Variants in MEGF11 observed in about 807,000 individuals in gnomAD.
MEGF11 encodes the protein multiple epidermal growth factor-like domains protein 11.
Under a neutral mutation model 146.6 loss-of-function variants are expected in MEGF11, and 126 were observed. The observed-to-expected ratio is 0.86, with a 90% CI of 0.74 to 1.00. The LOEUF (loss-of-function observed/expected upper bound fraction) is 1.00, where lower values mean the gene tolerates loss of function less well. MEGF11 is among the 50% of genes least tolerant of loss of function. The pLI is 0.00. For synonymous variants in MEGF11, 532 were observed against 583.4 expected (o/e 0.91, Z 1.27); for missense variants, 1,509 against 1,521.2 (o/e 0.99, Z 0.13).
chr15:66,071,683 A>C (rs1273493610), intron 5 of MEGF11, among the ~76,000 whole-genome samples: 1 of 152,198 alleles, frequency 6.6e-6, no homozygotes, highest in Non-Finnish European at 1.5e-5. Flanking sequence ...CATGCAGTGC[A>C]CAAAAGAGGG....
In MEGF11 at chr15:66,182,367, C is replaced by T. The variant is rs148852987; in HGVS notation, c.-8-53956G>A. Among the ~76,000 whole-genome samples, 324 of 152,078 alleles carry T rather than the reference C, an allele frequency of 2.1e-3. 7 individuals carry two copies. The East Asian group carries it at 0.047, about 22-fold the overall frequency. ...TCCTCGGGGCCCACACCAGAGGGAA[C>T]ATCAGCAGTATTTGACAAGCTGACC... On this transcript the variant is annotated intron_variant, in intron 1 of 25. Transcript: ENST00000395614.
intron 1 of MEGF11, among the ~76,000 whole-genome samples, chr15:66,191,372 G>T (rs141280491): frequency 3.0e-4 from 45 of 152,332 alleles, no homozygotes; most frequent in Middle Eastern, 6.8e-3. Context: ...GGTTTCAATG[G>T]ATGCTCTGCA....
intron 1 of MEGF11, among the ~76,000 whole-genome samples, chr15:66,149,603 T>G (rs894844006): frequency 6.6e-6 from 1 of 152,072 alleles, no homozygotes; most frequent in African/African-American, 2.4e-5. Context: ...CCCATCTCCA[T>G]CAGCATCACG....
chr15:66,060,822 T>C (rs1943640612), intron 5 of MEGF11, among the ~76,000 whole-genome samples: 1 of 152,164 alleles, frequency 6.6e-6, no homozygotes, highest in African/African-American at 2.4e-5. Context: ...TCTAGGAATA[T>C]GAGAGGAAAA....
At chr15:66,189,782 G>A (rs1955122571) in intron 1 of MEGF11, among the ~76,000 whole-genome samples, 1 of 152,156 alleles carries the variant, frequency 6.6e-6, no homozygotes, top group Admixed American at 6.5e-5. Flanking sequence ...GCACTTAGTA[G>A]TTGCTCAAAT....
At position 66,094,451 on chromosome 15, in the gene MEGF11, C is replaced by G; in HGVS notation, c.345G>C (p.Pro115=). ...AGCCAGGCTCGCAGTGGCAGGTGTC[C>G]GGGGAAACGCAGCGGCCGTGCACAC... The part of the protein sequence containing the change: ...EECVHGRCVS[P]DTCHCEPGWG... The change falls in exon 5 of 26, where the codon CCG becomes CCC. Residue 115 remains proline, a synonymous_variant. Coordinates refer to ENST00000395614, the MANE Select transcript of MEGF11 (RefSeq NM_001385028.1). 1 of 1,560,926 alleles carries G rather than the reference C, an allele frequency of 6.4e-7. No homozygotes were observed. The highest frequency in any genetic ancestry group is 1.7e-4 in the Middle Eastern group (1 of 5,994).
At chr15:65,938,877 T>C (rs2079880479) in intron 10 of MEGF11, among the ~76,000 whole-genome samples, 1 of 152,240 alleles carries the variant, frequency 6.6e-6, no homozygotes, top group Admixed American at 6.5e-5. Context: ...TTTCAAATAT[T>C]GTTTATTGAA....
chr15:66,197,983 G>T (rs1308811711), intron 1 of MEGF11, among the ~76,000 whole-genome samples: 1 of 152,218 alleles, frequency 6.6e-6, no homozygotes, highest in African/African-American at 2.4e-5. Flanking sequence ...CCAGCTACTT[G>T]GAAGGCCGCA....
chr15:66,011,720 CTAT>C (rs55863629), intron 5 of MEGF11, among the ~76,000 whole-genome samples: 10,518 of 149,392 alleles, frequency 0.07, 535 homozygotes, highest in African/African-American at 0.15. Context: ...GGGAATTTAG[CTAT>C]TATTATTATT....
intron 1 of MEGF11, among the ~76,000 whole-genome samples, chr15:66,251,595 TCA>T (rs1016346646): frequency 2.6e-5 from 4 of 152,014 alleles, no homozygotes; most frequent in African/African-American, 9.7e-5. Flanking sequence ...GCCTCTAACC[TCA>T]CACACACCCA....
intron 4 of MEGF11, among the ~76,000 whole-genome samples, chr15:66,098,413 T>C (rs1246664434): frequency 1.3e-5 from 2 of 152,236 alleles, no homozygotes; most frequent in Non-Finnish European, 2.9e-5. Flanking sequence ...TGTGGTCATA[T>C]ATTTTGCCTG....
chr15:66,009,054 C>T (rs766924635), intron 5 of MEGF11, among the ~76,000 whole-genome samples: 5 of 152,144 alleles, frequency 3.3e-5, no homozygotes, highest in Admixed American at 3.3e-4. Context: ...TTCACTCTTA[C>T]ATTCTAGGAG....
intron 21 of MEGF11, among the ~76,000 whole-genome samples, chr15:65,911,462 A>G (rs1476346812): frequency 1.3e-5 from 2 of 152,132 alleles, no homozygotes; most frequent in East Asian, 3.9e-4. Flanking sequence ...GTCAGGCTGG[A>G]GTGCAGTGGC....
rs78739408 is a variant in MEGF11 at position 66,155,716 on chromosome 15, C to T, written c.-8-27305G>A. Among the ~76,000 whole-genome samples the T allele has an allele frequency of 9.9e-3, 1,507 of 152,306 alleles. 29 individuals are homozygous for T. Among genetic ancestry groups the T allele is most frequent in the African/African-American group, 0.035 (1,436 of 41,564 alleles). ...CAGTGACTTGGGCCAAGAAACTTAG[C>T]CTTGATTTTTCTCTTTATCTCACCT... On this transcript the variant is annotated intron_variant, in intron 1 of 25. Transcript: ENST00000395614.
intron 10 of MEGF11, among the ~76,000 whole-genome samples, chr15:65,948,365 C>G (rs1419063374): frequency 6.6e-6 from 1 of 152,106 alleles, no homozygotes; most frequent in Non-Finnish European, 1.5e-5. Context: ...TCCAGCTCCA[C>G]CATTATGAAG....
intron 1 of MEGF11, among the ~76,000 whole-genome samples, chr15:66,143,359 C>T (rs1035222146): frequency 2.0e-5 from 3 of 152,170 alleles, no homozygotes; most frequent in South Asian, 2.1e-4. Flanking sequence ...AGGCAGCCTG[C>T]GGACAGGGGA....
intron 7 of MEGF11, among the ~76,000 whole-genome samples, chr15:65,979,210 T>A (rs927695950): frequency 6.6e-6 from 1 of 152,094 alleles, no homozygotes; most frequent in Non-Finnish European, 1.5e-5. Context: ...GGGAGCTTAT[T>A]AAAAATAGAG....
intron 1 of MEGF11, among the ~76,000 whole-genome samples, chr15:66,239,116 C>A (rs2092157147): frequency 6.6e-6 from 1 of 152,210 alleles, no homozygotes; most frequent in East Asian, 1.9e-4. Flanking sequence ...TGGTCTCTGA[C>A]CCACTTCAGA....
intron 15 of MEGF11, among the ~76,000 whole-genome samples, chr15:65,919,672 C>T (rs757026018): frequency 3.5e-4 from 53 of 152,216 alleles, no homozygotes; most frequent in Non-Finnish European, 6.0e-4. Flanking sequence ...GCTACGTTGC[C>T]CAGGCCGGAG....
Sources: allele counts gnomAD v4.1 joint callset (sites outside exome capture counted in the v4.1 genomes callset), GRCh38; gene constraint gnomAD v4.1.1; transcripts MANE v1.5; gene names NCBI Gene and HGNC (gene_info 2026-07-23, HGNC 2026-07-21).